Variants in PEAK1 observed in about 807,000 individuals in gnomAD.
PEAK1 encodes the protein inactive tyrosine-protein kinase PEAK1.
In PEAK1, 54 loss-of-function variants were observed where a neutral mutation model predicts 124.7. The ratio of observed to expected loss-of-function variants is 0.43; its 90% CI spans 0.35 to 0.54. The LOEUF (loss-of-function observed/expected upper bound fraction) is 0.54, where lower values mean the gene tolerates loss of function less well. Among genes scored for constraint, PEAK1 ranks in the 20% least tolerant of loss-of-function variants. The pLI is 0.01. For synonymous variants in PEAK1, 719 were observed against 760.0 expected (o/e 0.95, Z 0.89); for missense variants, 2,046 against 2,134.5 (o/e 0.96, Z 0.82).
At chr15:77,361,486 T>C (rs1051810190) in intron 2 of PEAK1, among the ~76,000 whole-genome samples, 2 of 152,174 alleles carry the variant, frequency 1.3e-5, no homozygotes, top group East Asian at 3.9e-4. Flanking sequence ...TGCTCAACAT[T>C]GTTAATCAAG....
chr15:77,347,419 C>T, intron 2 of PEAK1: 1 of 985,306 alleles, frequency 1.0e-6, no homozygotes, highest in Non-Finnish European at 1.2e-6. Flanking sequence ...TGAATCAGTG[C>T]TGTCAGGAAC....
At chr15:77,177,190 A>T (rs535544590) in intron 7 of PEAK1, among the ~76,000 whole-genome samples, 1 of 152,296 alleles carries the variant, frequency 6.6e-6, no homozygotes, top group East Asian at 1.9e-4. Context: ...TCCTGATCTC[A>T]GGTGATCTGC....
At chr15:77,232,797 G>A (rs1394935332) in intron 6 of PEAK1, among the ~76,000 whole-genome samples, 1 of 152,152 alleles carries the variant, frequency 6.6e-6, no homozygotes, top group Non-Finnish European at 1.5e-5. Flanking sequence ...CCAGGCTGGA[G>A]TGCAATGGTG....
intron 1 of PEAK1, among the ~76,000 whole-genome samples, chr15:77,412,674 T>C (rs1595884248): frequency 6.6e-6 from 1 of 152,116 alleles, no homozygotes; most frequent in East Asian, 1.9e-4. Flanking sequence ...GCAATGATAC[T>C]CCACAGCAAT....
chr15:77,242,959 T>C lies in PEAK1; in HGVS notation c.-115+9408A>G, dbSNP rs552714200. ...TATATTAAATAAGAAACTATCAAACTATGCATATTCAGCATTTGACATCAC... is the reference window on the plus strand; with the variant it reads ...TATATTAAATAAGAAACTATCAAACCATGCATATTCAGCATTTGACATCAC... On this transcript the variant is annotated intron_variant, in intron 6 of 9. Coordinates refer to ENST00000682557, the MANE Select transcript of PEAK1 (RefSeq NM_001385026.1). Among the ~76,000 whole-genome samples the C allele has an allele frequency of 2.2e-4, 34 of 152,328 alleles. 1 individual carries two copies. Among genetic ancestry groups the C allele is most frequent in the South Asian group, 1.9e-3 (9 of 4,828 alleles).
chr15:77,137,001 A>G (rs1017372820), intron 8 of PEAK1, among the ~76,000 whole-genome samples: 1 of 152,194 alleles, frequency 6.6e-6, no homozygotes, highest in Admixed American at 6.5e-5. Context: ...CACTCCAGCC[A>G]TGGCTGAAAG....
chr15:77,179,372 G>C lies in PEAK1; in HGVS notation c.2555C>G (p.Thr852Ser), dbSNP rs758329355. The C allele has an allele frequency of 1.2e-6, 2 of 1,614,074 alleles. No homozygotes were observed. Among genetic ancestry groups the C allele is most frequent in the Non-Finnish European group, 1.7e-6 (2 of 1,180,018 alleles). ...AGTCACTAATTTGGAGGGAGAGGGGGTGACTGGCTTTATGGATGGGTCTTT... is the reference window on the plus strand; with the variant it reads ...AGTCACTAATTTGGAGGGAGAGGGGCTGACTGGCTTTATGGATGGGTCTTT... The part of the protein sequence containing the change: ...VQKDPSIKPV[T>S]PSPSKLVTSP... The change falls in exon 7 of 10, where the codon ACC becomes AGC. Residue 852 changes from threonine (T) to serine (S), a missense_variant. By Grantham distance (58) the Thr-to-Ser change is moderately conservative. Transcript: ENST00000682557.
intron 1 of PEAK1, among the ~76,000 whole-genome samples, chr15:77,415,896 T>G (rs1175177182): frequency 6.6e-6 from 1 of 152,200 alleles, no homozygotes; most frequent in Non-Finnish European, 1.5e-5. Flanking sequence ...CAGGCTCACA[T>G]TAAGAATGTC....
rs1475000142 is a variant in PEAK1 at position 77,115,331 on chromosome 15, T to A, written c.4078-12A>T. ...TTGCTCTTACAGATCTGAAAGATAA[T>A]AAAACAATTCAAAACTCACACTCTC... On this transcript the variant is annotated splice_polypyrimidine_tract_variant and intron_variant, in intron 9 of 9. Coordinates refer to ENST00000682557, the MANE Select transcript of PEAK1 (RefSeq NM_001385026.1). The A allele has an allele frequency of 6.2e-7, 1 of 1,603,322 alleles. No individual in the cohort carries two copies. The highest frequency in any genetic ancestry group is 1.7e-5 in the Admixed American group (1 of 59,524).
At chr15:77,419,328 G>A (rs2073162667) in intron 1 of PEAK1, 2 of 985,366 alleles carry the variant, frequency 2.0e-6, no homozygotes, top group Non-Finnish European at 2.4e-6. Flanking sequence ...ACGCGGTTCA[G>A]ACGGCAAGTC....
At chr15:77,197,270 T>C (rs549795750) in intron 6 of PEAK1, among the ~76,000 whole-genome samples, 5 of 152,280 alleles carry the variant, frequency 3.3e-5, no homozygotes, top group African/African-American at 1.2e-4. Context: ...GGATAGCCAA[T>C]GACAGAAACA....
intron 9 of PEAK1, among the ~76,000 whole-genome samples, chr15:77,119,529 AC>A (rs1270288839): frequency 1.3e-5 from 2 of 152,158 alleles, no homozygotes; most frequent in Non-Finnish European, 2.9e-5. Context: ...GAGGGTGGGG[AC>A]CCTTTAACCA....
At position 77,114,109 on chromosome 15, in the gene PEAK1, G is replaced by A. The variant is rs1461841438; in HGVS notation, c.*47C>T. ...CACTAGGGAGGGGAAGTGCATGGGT[G>A]ACATGAAGAAGGTGAAGATGTAGTA... On this transcript the variant is annotated 3_prime_UTR_variant, in exon 10 of 10. Transcript: ENST00000682557. 8 of 1,574,752 alleles carry A rather than the reference G, an allele frequency of 5.1e-6. No homozygotes were observed. The highest frequency in any genetic ancestry group is 4.6e-5 in the South Asian group (4 of 86,562).
intron 2 of PEAK1, among the ~76,000 whole-genome samples, chr15:77,302,667 A>G (rs2063850125): frequency 6.6e-6 from 1 of 152,150 alleles, no homozygotes; most frequent in Non-Finnish European, 1.5e-5. Flanking sequence ...TAGATTAGCA[A>G]CTTGTTTCTT....
chr15:77,165,014 C>T (rs1034783285), intron 7 of PEAK1, among the ~76,000 whole-genome samples: 2 of 152,020 alleles, frequency 1.3e-5, no homozygotes, highest in Non-Finnish European at 2.9e-5. Flanking sequence ...AGAGATTTTC[C>T]TACCTCAGTC....
chr15:77,235,691 A>G (rs1426044631), intron 6 of PEAK1, among the ~76,000 whole-genome samples: 1 of 152,238 alleles, frequency 6.6e-6, no homozygotes, highest in Non-Finnish European at 1.5e-5. Context: ...CACCAAGACA[A>G]TAGGGAAAAT....
At chr15:77,354,714 T>G (rs1042694973) in intron 2 of PEAK1, among the ~76,000 whole-genome samples, 2 of 152,174 alleles carry the variant, frequency 1.3e-5, no homozygotes, top group African/African-American at 2.4e-5. Context: ...GAATACTAAG[T>G]ACGTTTTTGT....
chr15:77,230,866 A>G (rs764055418), intron 6 of PEAK1, among the ~76,000 whole-genome samples: 1 of 151,960 alleles, frequency 6.6e-6, no homozygotes, highest in Non-Finnish European at 1.5e-5. Context: ...AACCAAACCA[A>G]CCACAAAAAC....
At chr15:77,286,588 C>A in intron 2 of PEAK1, 84 bp from the exon 3 acceptor site, 1 of 606,964 alleles carries the variant, frequency 1.6e-6, no homozygotes, top group South Asian at 8.5e-5. Context: ...TTTAATTCAC[C>A]ATAAAGCAGA....
Sources: allele counts gnomAD v4.1 joint callset (sites outside exome capture counted in the v4.1 genomes callset), GRCh38; gene constraint gnomAD v4.1.1; transcripts MANE v1.5; gene names NCBI Gene and HGNC (gene_info 2026-07-23, HGNC 2026-07-21).